The following RNGTT variants were observed in gnomAD, a reference collection of about 807,000 sequenced individuals.
The protein encoded by RNGTT is mRNA-capping enzyme.
RNGTT carries 33 observed loss-of-function variants against 79.3 expected under a neutral mutation model. The observed-to-expected ratio is 0.42, with a 90% CI of 0.32 to 0.56. The LOEUF is 0.56. Ranked by LOEUF, RNGTT falls within the 20% of genes least tolerant of loss-of-function variation. The pLI is 0.17. For missense variants in RNGTT, 497 were observed against 739.1 expected (o/e 0.67, Z 3.80); for synonymous variants, 222 against 235.9 (o/e 0.94, Z 0.54).
chr6:88,630,135 C>T lies in RNGTT; in HGVS notation c.1507-15740G>A, dbSNP rs146041381. ...TATATGAGGGTCTGCTACAGTAAAA[C>T]GACAATGCAGGAAGGATGTTTGTTT... On this transcript the variant is annotated intron_variant, in intron 14 of 15. Coordinates refer to ENST00000369485, the MANE Select transcript of RNGTT (RefSeq NM_003800.5). Among the ~76,000 whole-genome samples, 59 of 152,242 alleles carry T rather than the reference C, an allele frequency of 3.9e-4. 1 individual carries two copies. In the East Asian group the frequency reaches 7.3e-3, roughly 19 times the overall value.
intron 13 of RNGTT, among the ~76,000 whole-genome samples, chr6:88,753,103 C>T (rs561815865): frequency 1.3e-5 from 2 of 152,068 alleles, no homozygotes; most frequent in South Asian, 2.1e-4. Context: ...TTATTTCCCC[C>T]TAAAATTAAG....
intron 13 of RNGTT, among the ~76,000 whole-genome samples, chr6:88,761,446 GCAC>G (rs1374020739): frequency 5.5e-4 from 84 of 152,204 alleles, no homozygotes; most frequent in Non-Finnish European, 6.5e-4. Context: ...AGCTGAGATT[GCAC>G]CACTGCACTC....
intron 11 of RNGTT, among the ~76,000 whole-genome samples, chr6:88,802,768 C>T (rs1268425261): frequency 6.6e-6 from 1 of 152,112 alleles, no homozygotes; most frequent in Non-Finnish European, 1.5e-5. Context: ...AGCATCAGAT[C>T]ACATAAGAAC....
At chr6:88,876,305 G>A (rs1393977289) in intron 8 of RNGTT, among the ~76,000 whole-genome samples, 1 of 152,210 alleles carries the variant, frequency 6.6e-6, no homozygotes, top group Non-Finnish European at 1.5e-5. Flanking sequence ...AAGGCAGGCA[G>A]ATCACTTTAG....
intron 2 of RNGTT, among the ~76,000 whole-genome samples, chr6:88,935,088 A>G (rs1201375584): frequency 2.0e-5 from 3 of 152,138 alleles, no homozygotes; most frequent in Non-Finnish European, 4.4e-5. Flanking sequence ...TCTTTAATCC[A>G]TCTTGATTTG....
At chr6:88,784,618 T>C (rs1779169487) in intron 12 of RNGTT, among the ~76,000 whole-genome samples, 1 of 152,172 alleles carries the variant, frequency 6.6e-6, no homozygotes, top group African/African-American at 2.4e-5. Context: ...GCTACTAAAG[T>C]TATCACTGAA....
At chr6:88,910,830 C>G (rs1180272761) in intron 4 of RNGTT, among the ~76,000 whole-genome samples, 1 of 152,134 alleles carries the variant, frequency 6.6e-6, no homozygotes, top group Non-Finnish European at 1.5e-5. Flanking sequence ...GACTGGAGGC[C>G]TATATTTAGC....
chr6:88,828,836 G>A (rs891347930), intron 11 of RNGTT, among the ~76,000 whole-genome samples: 9 of 151,932 alleles, frequency 5.9e-5, no homozygotes, highest in African/African-American at 1.7e-4. Flanking sequence ...CAAGATTAGA[G>A]AAGAAAGAAT....
At chr6:88,781,102 A>C (rs9353610) in intron 12 of RNGTT, among the ~76,000 whole-genome samples, 20,902 of 152,154 alleles carry the variant, frequency 0.14, 1,568 homozygotes, top group Middle Eastern at 0.23. Flanking sequence ...GGCTGAGAAA[A>C]CCTGATGTAA....
chr6:88,697,168 T>G (rs939185829), intron 13 of RNGTT, among the ~76,000 whole-genome samples: 21 of 152,176 alleles, frequency 1.4e-4, no homozygotes, highest in Admixed American at 1.3e-3. Context: ...AAGAATCACC[T>G]CAGTCTCACT....
chr6:88,864,328 T>C (rs1231125323), intron 8 of RNGTT, among the ~76,000 whole-genome samples: 2 of 152,156 alleles, frequency 1.3e-5, no homozygotes, highest in South Asian at 4.1e-4. Flanking sequence ...TGAAGTATAG[T>C]TGAAATGCAA....
chr6:88,810,149 G>A (rs1375570482), intron 11 of RNGTT, among the ~76,000 whole-genome samples: 2 of 152,116 alleles, frequency 1.3e-5, no homozygotes, highest in East Asian at 1.9e-4. Context: ...AAAGTAAGGA[G>A]AACTGTAAAG....
intron 13 of RNGTT, among the ~76,000 whole-genome samples, chr6:88,735,662 C>T (rs1777262393): frequency 6.6e-6 from 1 of 150,872 alleles, no homozygotes; most frequent in South Asian, 2.1e-4. Context: ...ACAAACTTGC[C>T]AAAATTTGTG....
intron 6 of RNGTT, among the ~76,000 whole-genome samples, chr6:88,900,865 G>A (rs1195725361): frequency 1.3e-5 from 2 of 151,512 alleles, no homozygotes; most frequent in African/African-American, 4.8e-5. Flanking sequence ...TTTTAGGCCA[G>A]GCACGATGGC....
intron 2 of RNGTT, among the ~76,000 whole-genome samples, chr6:88,939,956 C>T (rs1017991518): frequency 1.3e-5 from 2 of 151,376 alleles, no homozygotes; most frequent in Non-Finnish European, 2.9e-5. Context: ...CAGGGTCTCC[C>T]TATGCTGCCC....
At chr6:88,916,372 C>T (rs1783999163) in intron 4 of RNGTT, among the ~76,000 whole-genome samples, 1 of 152,110 alleles carries the variant, frequency 6.6e-6, no homozygotes, top group Admixed American at 6.6e-5. Flanking sequence ...ACTAAAGAGG[C>T]TGAGAGGAGA....
intron 13 of RNGTT, among the ~76,000 whole-genome samples, chr6:88,689,599 A>G (rs1775405961): frequency 6.6e-6 from 1 of 151,748 alleles, no homozygotes; most frequent in Admixed American, 6.6e-5. Context: ...TGTCTCAAAA[A>G]AAAAAAAAAA....
At chr6:88,827,233 T>C (rs962497065) in intron 11 of RNGTT, among the ~76,000 whole-genome samples, 2 of 151,890 alleles carry the variant, frequency 1.3e-5, no homozygotes, top group Non-Finnish European at 2.9e-5. Context: ...GTGCAGCCCA[T>C]AGAGGGTGAG....
intron 13 of RNGTT, among the ~76,000 whole-genome samples, chr6:88,742,341 T>C (rs1437890519): frequency 2.0e-5 from 3 of 152,230 alleles, no homozygotes; most frequent in African/African-American, 7.2e-5. Flanking sequence ...ATTTAAAATA[T>C]GCAATGGAAA....
Sources: allele counts gnomAD v4.1 joint callset (sites outside exome capture counted in the v4.1 genomes callset), GRCh38; gene constraint gnomAD v4.1.1; transcripts MANE v1.5; gene names NCBI Gene and HGNC (gene_info 2026-07-23, HGNC 2026-07-21).